The following UGT1A4 variants were observed in gnomAD, a reference collection of about 807,000 sequenced individuals.
UGT1A4 encodes the protein UDP glucuronosyltransferase family 1 member A4, also known as UDP-glucuronosyltransferase 1A4.
In UGT1A4, 32 loss-of-function variants were observed where a neutral mutation model predicts 41.1. The observed-to-expected ratio is 0.78, with a 90% CI of 0.59 to 1.05. The LOEUF is 1.05. UGT1A4 is among the 50% of genes least tolerant of loss of function. The pLI, the probability that UGT1A4 is intolerant of heterozygous loss-of-function variation, is 0.00. For missense variants in UGT1A4, 748 were observed against 677.4 expected, an observed-to-expected ratio of 1.10 and a Z score of -1.16; for synonymous variants, 283 against 265.1, an observed-to-expected ratio of 1.07 and a Z score of -0.66.
At chr2:233,727,049 G>A (rs1171509932) in intron 1 of UGT1A4, among the ~76,000 whole-genome samples, 1 of 152,178 alleles carries the variant, frequency 6.6e-6, no homozygotes, top group Non-Finnish European at 1.5e-5. Flanking sequence ...ACCCCAAGAT[G>A]TGAAGATTAG....
chr2:233,719,335 T>C lies in UGT1A4; in HGVS notation c.515T>C (p.Phe172Ser), dbSNP rs759894236. 4 of 1,613,958 alleles carry C rather than the reference T, an allele frequency of 2.5e-6. No individual in the cohort carries two copies. In the Admixed American group the frequency reaches 6.7e-5, roughly 27 times the overall value. The change falls in exon 1 of 5, where the codon TTT becomes TCT. Residue 172 changes from phenylalanine to serine, a missense_variant. By Grantham distance (155) the Phe-to-Ser change is radical. Transcript: ENST00000373409. The part of the protein sequence containing the change: ...AKYLSIPAVF[F>S]WRYIPCDLDF... ...TACCTGTCGATTCCTGCTGTGTTTT[T>C]TTGGAGGTACATTCCATGTGACTTA...
Position 233,719,611 on chromosome 2 carries a change from A to G in UGT1A4, c.791A>G (p.Asp264Gly). The G allele has an allele frequency of 6.2e-7, 1 of 1,613,980 alleles. No homozygotes were observed. The highest frequency in any genetic ancestry group is 8.5e-7 in the Non-Finnish European group (1 of 1,179,926). The stretch of plus-strand genomic sequence containing the variant: ...CTGTTCCGAGGGGACTTTGTGATGG[A>G]CTACCCCAGGCCGATCATGCCCAAC... ...VWLFRGDFVM[D>G]YPRPIMPNMV... is the part of the protein sequence containing the mutation. The change falls in exon 1 of 5, where the codon GAC (aspartate) becomes GGC (glycine). Residue 264 changes from aspartate to glycine, a missense_variant. Physicochemically the swap from Asp to Gly is moderately conservative, Grantham distance 94. Coordinates refer to ENST00000373409, the MANE Select transcript of UGT1A4 (RefSeq NM_007120.3).
intron 1 of UGT1A4, among the ~76,000 whole-genome samples, chr2:233,738,670 T>G (rs377285735): frequency 6.6e-6 from 1 of 152,186 alleles, no homozygotes; most frequent in African/African-American, 2.4e-5. Flanking sequence ...TTGAGAGAGA[T>G]GATCTGAAAT....
intron 1 of UGT1A4, chr2:233,747,824 C>T (rs1693787782): frequency 6.2e-7 from 1 of 1,613,430 alleles, no homozygotes; most frequent in Admixed American, 1.7e-5. Context: ...ATTCAGACCA[C>T]ATGACATTCC....
chr2:233,762,102 G>T (rs1697968941), intron 1 of UGT1A4, among the ~76,000 whole-genome samples: 1 of 151,864 alleles, frequency 6.6e-6, no homozygotes, highest in Non-Finnish European at 1.5e-5. Flanking sequence ...GTTGTTGATT[G>T]TCCGCTTCAC....
intron 1 of UGT1A4, among the ~76,000 whole-genome samples, chr2:233,731,276 TTTTC>T (rs980011036): frequency 8.2e-5 from 12 of 146,468 alleles, no homozygotes; most frequent in African/African-American, 2.6e-4. Flanking sequence ...CCCTTCCAGT[TTTTC>T]TTTCTTTTTT....
intron 1 of UGT1A4, chr2:233,729,497 A>G (rs1450342762): frequency 6.8e-6 from 11 of 1,614,114 alleles, no homozygotes; most frequent in Non-Finnish European, 8.5e-6. Flanking sequence ...TCTTTGGTCT[A>G]TCATAGGTCT....
chr2:233,730,435 C>G (rs1237158749), intron 1 of UGT1A4, among the ~76,000 whole-genome samples: 2 of 152,178 alleles, frequency 1.3e-5, no homozygotes, highest in African/African-American at 2.4e-5. Flanking sequence ...GTTGTCCCAT[C>G]TTGCAAATGA....
rs917242803 is a variant in UGT1A4, at chr2:233,724,807, C to G, written c.867+5120C>G. On this transcript the variant is annotated intron_variant, in intron 1 of 4. Transcript: ENST00000373409. ...CTTCCCAGACGGGGTGGCGGCCGGG[C>G]AGAGGCTGCAATCTCGGCACTTTGG... 5.9e-4 allele frequency among the ~76,000 whole-genome samples: 82 copies of G among 138,372 alleles called. 2 individuals carry two copies. The highest frequency in any genetic ancestry group is 1.0e-3 in the Non-Finnish European group (67 of 64,874). 90.8% of individuals were successfully genotyped at this position (138,372 alleles called of 152,430 possible). A position where few individuals can be genotyped will look rare whatever the true frequency, so the allele number is the denominator to read the frequency against.
At chr2:233,770,549 T>C (rs1220272101) in intron 4 of UGT1A4, 7 of 151,978 alleles carry the variant, frequency 4.6e-5, no homozygotes, top group Non-Finnish European at 8.8e-5. Flanking sequence ...TCCCAGCTAT[T>C]TGGGAGGCTG....
chr2:233,747,087 G>A, intron 1 of UGT1A4: 5 of 1,192,212 alleles, frequency 4.2e-6, no homozygotes, highest in Non-Finnish European at 5.8e-6. Flanking sequence ...TAGGAGGAGA[G>A]CACTCTATCT....
Position 233,768,248 on chromosome 2 carries a change from C to A in UGT1A4, c.1116C>A (p.Thr372=). The change falls in exon 4 of 5, where the codon ACC becomes ACA. Residue 372 remains threonine, a synonymous_variant. Transcript: ENST00000373409. ...LGHPMTRAFI[T]HAGSHGVYES... is the part of the protein sequence containing the mutation. Reference sequence around the variant, plus strand: ...ACCCGATGACCCGTGCCTTTATCACCCATGCTGGTTCCCATGGTGTTTATG... The same window carrying A: ...ACCCGATGACCCGTGCCTTTATCACACATGCTGGTTCCCATGGTGTTTATG... 1 of 1,614,138 alleles carries A rather than the reference C, an allele frequency of 6.2e-7. No homozygotes were observed. The highest frequency in any genetic ancestry group is 1.1e-5 in the South Asian group (1 of 91,084).
At chr2:233,746,247 A>C (rs939163155) in intron 1 of UGT1A4, among the ~76,000 whole-genome samples, 2 of 151,776 alleles carry the variant, frequency 1.3e-5, no homozygotes, top group Admixed American at 6.6e-5. Flanking sequence ...AAAAGATACA[A>C]GGCAGAACAG....
rs778527211 is a variant in UGT1A4 at position 233,719,180 on chromosome 2, A to G, written c.360A>G (p.Val120=). 1.6e-5 allele frequency: 26 copies of G among 1,614,056 alleles called. No homozygotes were observed. Among genetic ancestry groups the G allele is most frequent in the Admixed American group, 1.3e-4 (8 of 59,996 alleles). The change falls in exon 1 of 5, where the codon GTA becomes GTG. Residue 120 remains valine, a synonymous_variant. Coordinates refer to ENST00000373409, the MANE Select transcript of UGT1A4 (RefSeq NM_007120.3). ...GAAGTATGGCAATTATGAACAATGTATCTTTGGCCCTTCATAGGTGTTGTG... is the reference window on the plus strand; with the variant it reads ...GAAGTATGGCAATTATGAACAATGTGTCTTTGGCCCTTCATAGGTGTTGTG... The part of the protein sequence containing the change: ...YSRSMAIMNN[V]SLALHRCCVE...
At chr2:233,732,602 G>T (rs1447005275) in intron 1 of UGT1A4, among the ~76,000 whole-genome samples, 1 of 152,210 alleles carries the variant, frequency 6.6e-6, no homozygotes, top group Non-Finnish European at 1.5e-5. Flanking sequence ...GTTTGTCAAA[G>T]ATCAAATGGT....
chr2:233,757,550 A>ATATATATATATATATATAT (rs1696620678), intron 1 of UGT1A4, among the ~76,000 whole-genome samples: 1 of 129,576 alleles, frequency 7.7e-6, no homozygotes, highest in Non-Finnish European at 1.6e-5. Context: ...ATATATATAT[A>ATATATATATATATATATAT]TATATATATA....
At position 233,719,692 on chromosome 2, in the gene UGT1A4, G is replaced by A. The variant is rs1410497957; in HGVS notation, c.867+5G>A. The A allele has an allele frequency of 3.1e-6, 5 of 1,614,032 alleles. No individual in the cohort carries two copies. Among genetic ancestry groups the A allele is most frequent in the Admixed American group, 3.3e-5 (2 of 60,026 alleles). ...AACGGGAAGCCACTATCTCAGGTCT[G>A]TATTGGTGCCTTCATCCAATCAATG... On this transcript the variant is annotated splice_donor_5th_base_variant and intron_variant, in intron 1 of 4. Transcript: ENST00000373409.
chr2:233,748,321 A>G (rs1693916793), intron 1 of UGT1A4, among the ~76,000 whole-genome samples: 1 of 151,726 alleles, frequency 6.6e-6, no homozygotes, highest in African/African-American at 2.4e-5. Flanking sequence ...ACTAGGACTG[A>G]TGTGACTCAT....
At chr2:233,731,532 G>A (rs1386251909) in intron 1 of UGT1A4, among the ~76,000 whole-genome samples, 1 of 152,172 alleles carries the variant, frequency 6.6e-6, no homozygotes, top group Non-Finnish European at 1.5e-5. Context: ...AGAACATGCG[G>A]TGTTTGGTTT....
Sources: gnomAD v4.1 joint callset for allele counts (sites outside exome capture counted in the v4.1 genomes callset) on GRCh38, gnomAD v4.1.1 for gene constraint, MANE v1.5 for transcripts, NCBI Gene and HGNC (gene_info 2026-07-23, HGNC 2026-07-21) for gene names.